The following RPTOR variants were observed in gnomAD, a reference collection of about 807,000 sequenced individuals.
RPTOR encodes the protein regulatory-associated protein of mTOR.
Under a neutral mutation model 169.9 loss-of-function variants are expected in RPTOR, and 21 were observed. That is an observed-to-expected ratio of 0.12 (90% confidence interval 0.09 to 0.18). The LOEUF (loss-of-function observed/expected upper bound fraction) is 0.18. Among genes scored for constraint, RPTOR ranks in the 10% least tolerant of loss-of-function variants. The pLI is 1.00. For synonymous variants in RPTOR, 732 were observed against 753.2 expected, an observed-to-expected ratio of 0.97 and a Z score of 0.46; for missense variants, 1,133 against 1,855.9, an observed-to-expected ratio of 0.61 and a Z score of 7.16.
chr17:80,616,298 C>CTTTTTTTTTTTTTTTTTTTT (rs201229448), intron 1 of RPTOR, among the ~76,000 whole-genome samples: 1 of 113,272 alleles, frequency 8.8e-6, no homozygotes, highest in Non-Finnish European at 1.7e-5. Context: ...AATTGAAAAT[C>CTTTTTTTTTTTTTTTTTTTT]TTTTTTTTTT....
At chr17:80,612,379 C>T (rs1440771742) in intron 1 of RPTOR, among the ~76,000 whole-genome samples, 3 of 152,186 alleles carry the variant, frequency 2.0e-5, no homozygotes, top group African/African-American at 4.8e-5. Flanking sequence ...GATCCTCCCA[C>T]CTAGACCTCC....
intron 1 of RPTOR, among the ~76,000 whole-genome samples, chr17:80,621,578 G>A (rs930135371): frequency 3.9e-4 from 60 of 152,260 alleles, no homozygotes; most frequent in African/African-American, 1.3e-3. Flanking sequence ...TGCCCCACTT[G>A]CTCGCTCCCT....
chr17:80,843,463 A>G (rs2067692918), intron 10 of RPTOR, among the ~76,000 whole-genome samples: 2 of 152,016 alleles, frequency 1.3e-5, no homozygotes, highest in Admixed American at 1.3e-4. Context: ...TAGTAGGAGA[A>G]GCCAGAATGA....
chr17:80,719,686 T>G (rs2066268892), intron 4 of RPTOR, among the ~76,000 whole-genome samples: 1 of 152,000 alleles, frequency 6.6e-6, no homozygotes, highest in South Asian at 2.1e-4. Context: ...ATACATATCA[T>G]CCAGAAGCAG....
Position 80,695,855 on chromosome 17 carries a change from CA to C in RPTOR, c.349-11985del, listed in dbSNP as rs1348295615. On this transcript the variant is annotated intron_variant, in intron 3 of 33. Transcript: ENST00000306801. This position sits in a 1 kb window ranked among gnomAD's most constrained non-coding sequence, Gnocchi z 4.9. ...GCTGGAGCTGGTGGGCCAAGGGCCG[CA>C]GACCACTTTTGCCCTGCATGGCCTC... Among the ~76,000 whole-genome samples, 1 of 152,230 alleles carries C rather than the reference CA, an allele frequency of 6.6e-6. No homozygotes were observed. Among genetic ancestry groups the C allele is most frequent in the Non-Finnish European group, 1.5e-5 (1 of 68,042 alleles).
chr17:80,748,715 G>A (rs1220075938), intron 5 of RPTOR, among the ~76,000 whole-genome samples: 9 of 80,918 alleles, frequency 1.1e-4, no homozygotes, highest in South Asian at 5.9e-4. Context: ...CCTGTTGGGT[G>A]GATGGAGGGG....
At chr17:80,600,597 T>C (rs1000415784) in intron 1 of RPTOR, among the ~76,000 whole-genome samples, 1 of 152,110 alleles carries the variant, frequency 6.6e-6, no homozygotes, top group Non-Finnish European at 1.5e-5. Context: ...GTCAGCTCTT[T>C]AGACCTGGAT....
At chr17:80,581,702 C>T (rs1353131315) in intron 1 of RPTOR, among the ~76,000 whole-genome samples, 2 of 151,996 alleles carry the variant, frequency 1.3e-5, no homozygotes, top group Admixed American at 6.6e-5. Flanking sequence ...CTGTTATTCT[C>T]TGCAGTGGAG....
intron 5 of RPTOR, among the ~76,000 whole-genome samples, chr17:80,743,695 C>CCCTGGCTACTAGCACTGT (rs1397438758): frequency 6.1e-5 from 6 of 97,982 alleles, no homozygotes; most frequent in African/African-American, 1.4e-4. Flanking sequence ...ACTAGCACAG[C>CCCTGGCTACTAGCACTGT]CCTGGCTACT....
intron 3 of RPTOR, among the ~76,000 whole-genome samples, chr17:80,691,011 T>G (rs1567859648): frequency 6.6e-6 from 1 of 152,102 alleles, no homozygotes; most frequent in Non-Finnish European, 1.5e-5. Flanking sequence ...CCCAGACTGG[T>G]TTTTAATTCC....
chr17:80,779,383 G>C (rs756082400), intron 6 of RPTOR, among the ~76,000 whole-genome samples: 1 of 152,210 alleles, frequency 6.6e-6, no homozygotes, highest in Non-Finnish European at 1.5e-5. Context: ...TGGCGCCTCC[G>C]TGGCTTTCTG....
At chr17:80,610,711 G>A (rs1406332089) in intron 1 of RPTOR, among the ~76,000 whole-genome samples, 2 of 152,104 alleles carry the variant, frequency 1.3e-5, no homozygotes, top group East Asian at 1.9e-4. Context: ...GGAGCACCCC[G>A]TGCCACCCAC....
chr17:80,887,406 T>C (rs1567968519), intron 17 of RPTOR, among the ~76,000 whole-genome samples: 1 of 150,196 alleles, frequency 6.7e-6, no homozygotes, highest in Non-Finnish European at 1.5e-5. Context: ...ACTCCAGGGG[T>C]GCGCCTCCAT....
In RPTOR at chr17:80,960,253, T is replaced by C. The variant is rs745679842; in HGVS notation, c.3605+48T>C. The C allele has an allele frequency of 3.1e-6, 5 of 1,608,934 alleles. No individual in the cohort carries two copies. In the African/African-American group the frequency reaches 6.7e-5, roughly 21 times the overall value. ...CTCCCCGAGTGCTGGCAGGGTACCT[T>C]CCAGGTGGTAGGGCCGTGTCACTGC... On this transcript the variant is annotated intron_variant, in intron 30 of 33. Transcript: ENST00000306801. This position sits in a 1 kb window ranked among gnomAD's most constrained non-coding sequence, Gnocchi z 4.8.
intron 5 of RPTOR, among the ~76,000 whole-genome samples, chr17:80,742,448 T>C (rs1342812676): frequency 2.0e-5 from 3 of 150,826 alleles, no homozygotes; most frequent in Non-Finnish European, 3.0e-5. Context: ...GAGGAGCAGG[T>C]ACACACACAC....
chr17:80,594,181 C>T (rs1303610534), intron 1 of RPTOR, among the ~76,000 whole-genome samples: 1 of 152,148 alleles, frequency 6.6e-6, no homozygotes, highest in Admixed American at 6.5e-5. Context: ...ACAACCTCTG[C>T]CTCCTGGGTT....
At position 80,803,853 on chromosome 17, in the gene RPTOR, T is replaced by A. The variant is rs1269426749; in HGVS notation, c.890+12344T>A. 6.6e-6 allele frequency: 1 copy of A among 152,186 alleles called. No homozygotes were observed. Among genetic ancestry groups the A allele is most frequent in the African/African-American group, 2.4e-5 (1 of 41,422 alleles). 9.4% of individuals were successfully genotyped at this position (152,186 alleles called of 1,614,324 possible). On this transcript the variant is annotated intron_variant, in intron 7 of 33. Coordinates refer to ENST00000306801, the MANE Select transcript of RPTOR (RefSeq NM_020761.3). The surrounding 1 kb of genome is among the most constrained non-coding windows in gnomAD (Gnocchi z 6.2). The stretch of plus-strand genomic sequence containing the variant: ...TGATTGGGCAGCCTGATGAGGCCCA[T>A]GAAGAGGCAACACTGGAACTGAGAC...
Position 80,884,170 on chromosome 17 carries a change from C to T in RPTOR, c.1842+198C>T, listed in dbSNP as rs1025553107. ...GGATTTTGCACCCAGGCCCAGAGTG[C>T]GCTCCCGGGGACAGTGGCACAGCTG... On this transcript the variant is annotated intron_variant, in intron 16 of 33. Coordinates refer to ENST00000306801, the MANE Select transcript of RPTOR (RefSeq NM_020761.3). 5.3e-5 allele frequency among the ~76,000 whole-genome samples: 8 copies of T among 152,346 alleles called. No individual in the cohort carries two copies. The South Asian group carries it at 1.2e-3, about 24-fold the overall frequency.
intron 20 of RPTOR, among the ~76,000 whole-genome samples, chr17:80,900,922 C>T (rs1427661149): frequency 6.6e-6 from 1 of 152,262 alleles, no homozygotes; most frequent in Non-Finnish European, 1.5e-5. Context: ...CCCACGCCCA[C>T]AGCACCTCCC....
Sources: gnomAD v4.1 joint callset for allele counts (sites outside exome capture counted in the v4.1 genomes callset) on GRCh38, gnomAD v4.1.1 for gene constraint, Gnocchi (gnomAD v3.1) non-coding constraint, MANE v1.5 for transcripts, NCBI Gene and HGNC (gene_info 2026-07-23, HGNC 2026-07-21) for gene names.